XRN2: variants seen among roughly 807,000 people sequenced by gnomAD.
XRN2 encodes the protein DHM1-like protein.
A neutral mutation model predicts 138.5 loss-of-function variants in XRN2; 44 were observed. The ratio of observed to expected loss-of-function variants is 0.32; its 90% CI spans 0.25 to 0.41. The LOEUF (loss-of-function observed/expected upper bound fraction) is 0.41, where lower values mean the gene tolerates loss of function less well. Ranked by LOEUF, XRN2 falls within the 10% of genes least tolerant of loss-of-function variation. XRN2 has a pLI of 1.00. For synonymous variants in XRN2, 354 were observed against 369.4 expected (o/e 0.96, Z 0.48); for missense variants, 937 against 1,169.3 (o/e 0.80, Z 2.90).
chr20:21,350,540 A>AAG (rs2038495832), intron 20 of XRN2, among the ~76,000 whole-genome samples: 4 of 150,606 alleles, frequency 2.7e-5, no homozygotes, highest in African/African-American at 9.8e-5. Context: ...AAAAAAAAAA[A>AAG]AAAAAAAAAA....
At chr20:21,318,837 T>C (rs1284514767) in intron 1 of XRN2, among the ~76,000 whole-genome samples, 2 of 152,156 alleles carry the variant, frequency 1.3e-5, no homozygotes, top group Non-Finnish European at 2.9e-5. Flanking sequence ...TTTCTATGCT[T>C]TTACTTTTTT....
intron 27 of XRN2, among the ~76,000 whole-genome samples, chr20:21,378,910 A>G (rs998463647): frequency 6.6e-6 from 1 of 152,192 alleles, no homozygotes; most frequent in Non-Finnish European, 1.5e-5. Flanking sequence ...CTGAGTACTG[A>G]TAACTTGTTG....
intron 1 of XRN2, among the ~76,000 whole-genome samples, chr20:21,317,685 A>G (rs938513281): frequency 6.6e-6 from 1 of 152,206 alleles, no homozygotes; most frequent in African/African-American, 2.4e-5. Flanking sequence ...TACAATGTAA[A>G]TGCTGTGTGA....
intron 1 of XRN2, among the ~76,000 whole-genome samples, chr20:21,318,294 C>T (rs2037988126): frequency 2.0e-5 from 3 of 152,088 alleles, no homozygotes; most frequent in South Asian, 4.1e-4. Flanking sequence ...ATTCTAGTAA[C>T]TTGAGTCTTC....
At chr20:21,369,004 C>G (rs965595960) in intron 27 of XRN2, among the ~76,000 whole-genome samples, 7 of 152,106 alleles carry the variant, frequency 4.6e-5, no homozygotes, top group African/African-American at 1.2e-4. Flanking sequence ...AGATCTTATT[C>G]ATTGTTTCTA....
At chr20:21,369,285 T>A (rs1478367514) in intron 27 of XRN2, among the ~76,000 whole-genome samples, 1 of 152,246 alleles carries the variant, frequency 6.6e-6, no homozygotes, top group Non-Finnish European at 1.5e-5. Flanking sequence ...ATTGTGTATA[T>A]GTACCACATT....
At chr20:21,344,795 C>T (rs1239317135) in intron 16 of XRN2, among the ~76,000 whole-genome samples, 2 of 152,116 alleles carry the variant, frequency 1.3e-5, no homozygotes, top group Non-Finnish European at 2.9e-5. Flanking sequence ...TTTAATTCAT[C>T]CTGAAGTTTG....
intron 1 of XRN2, chr20:21,303,763 C>T: frequency 2.5e-6 from 3 of 1,180,732 alleles, no homozygotes; most frequent in Non-Finnish European, 3.1e-6. Flanking sequence ...CGGAAGGCCC[C>T]GCCCACTGCT....
intron 28 of XRN2, among the ~76,000 whole-genome samples, chr20:21,385,773 G>A (rs1052365611): frequency 1.3e-5 from 2 of 152,150 alleles, no homozygotes; most frequent in Non-Finnish European, 2.9e-5. Flanking sequence ...TGAGCCCAGC[G>A]CCGGGCTTTT....
At chr20:21,360,766 G>C (rs1356275211) in intron 24 of XRN2, among the ~76,000 whole-genome samples, 1 of 152,192 alleles carries the variant, frequency 6.6e-6, no homozygotes, top group Non-Finnish European at 1.5e-5. Context: ...AAGATCCAAA[G>C]CCTGAAGGAA....
intron 1 of XRN2, among the ~76,000 whole-genome samples, chr20:21,316,700 G>A (rs1030604764): frequency 6.6e-6 from 1 of 152,286 alleles, no homozygotes; most frequent in African/African-American, 2.4e-5. Context: ...TACAGAGCAC[G>A]TTGAATTTGT....
rs186387108 is a variant in XRN2, at chr20:21,331,491, A to G, written c.577-70A>G. Reference sequence around the variant, plus strand: ...CTTATCTCAGTTTTTCTTGAGACATATAATTCTTTTGATTTTTGTGCCTAT... The same window carrying G: ...CTTATCTCAGTTTTTCTTGAGACATGTAATTCTTTTGATTTTTGTGCCTAT... On this transcript the variant is annotated intron_variant, in intron 6 of 29. Coordinates refer to ENST00000377191, the MANE Select transcript of XRN2 (RefSeq NM_012255.5). 16 of 1,330,722 alleles carry G rather than the reference A, an allele frequency of 1.2e-5. No individual in the cohort carries two copies. The Admixed American group carries it at 2.5e-4, about 21-fold the overall frequency. The allele number at this position is 1,330,722 out of a possible 1,614,324, so 82.4% of individuals were successfully genotyped here.
At chr20:21,320,892 G>T (rs1215129728) in intron 1 of XRN2, among the ~76,000 whole-genome samples, 1 of 152,168 alleles carries the variant, frequency 6.6e-6, no homozygotes, top group African/African-American at 2.4e-5. Context: ...CACCAGGAGG[G>T]CTCCTCCCAG....
chr20:21,368,440 TC>T, intron 26 of XRN2, 22 bp from the exon 27 acceptor site: 1 of 1,611,964 alleles, frequency 6.2e-7, no homozygotes, highest in Non-Finnish European at 8.5e-7. Flanking sequence ...AATTTTTTTT[TC>T]TTGTGTTGGG....
intron 4 of XRN2, 79 bp downstream of exon 4, chr20:21,328,749 C>T (rs1600683314): frequency 8.0e-7 from 1 of 1,246,014 alleles, no homozygotes; most frequent in Admixed American, 2.2e-5. Flanking sequence ...CTTTTTCTTA[C>T]AAAGAGGCAA....
At chr20:21,359,262 T>G (rs1329528665) in intron 24 of XRN2, among the ~76,000 whole-genome samples, 1 of 152,160 alleles carries the variant, frequency 6.6e-6, no homozygotes, top group African/African-American at 2.4e-5. Context: ...CCGGGCGCGG[T>G]GGCTCACACC....
chr20:21,325,930 G>T (rs1037249598), intron 1 of XRN2, among the ~76,000 whole-genome samples: 2 of 152,124 alleles, frequency 1.3e-5, no homozygotes, highest in Admixed American at 6.5e-5. Context: ...AGATGAAGTA[G>T]GTAAGCATTT....
At chr20:21,310,645 T>C (rs897301371) in intron 1 of XRN2, among the ~76,000 whole-genome samples, 2 of 152,212 alleles carry the variant, frequency 1.3e-5, no homozygotes, top group Non-Finnish European at 2.9e-5. Flanking sequence ...TGTGTTTTTT[T>C]CTATTCTTTT....
chr20:21,311,407 G>C (rs1351949348), intron 1 of XRN2, among the ~76,000 whole-genome samples: 3 of 152,132 alleles, frequency 2.0e-5, no homozygotes, highest in Non-Finnish European at 2.9e-5. Context: ...GCATGTCTCA[G>C]AATTTCATTC....
Sources: allele counts gnomAD v4.1 joint callset (sites outside exome capture counted in the v4.1 genomes callset), GRCh38; gene constraint gnomAD v4.1.1; transcripts MANE v1.5; gene names NCBI Gene and HGNC (gene_info 2026-07-23, HGNC 2026-07-21).